TIAM2: variants seen among roughly 807,000 people sequenced by gnomAD.
TIAM2 encodes TIAM Rac1 associated GEF 2.
TIAM2 carries 80 observed loss-of-function variants against 152.9 expected under a neutral mutation model. That is an observed-to-expected ratio of 0.52 (90% CI 0.44 to 0.63). The LOEUF (loss-of-function observed/expected upper bound fraction) is 0.63, where lower values mean the gene tolerates loss of function less well. Among genes scored for constraint, TIAM2 ranks in the 30% least tolerant of loss-of-function variants. The pLI is 0.00. For synonymous variants in TIAM2, 804 were observed against 838.0 expected, an observed-to-expected ratio of 0.96 and a Z score of 0.70; for missense variants, 1,965 against 2,120.1, an observed-to-expected ratio of 0.93 and a Z score of 1.44.
chr6:155,085,369 T>C (rs991246538), intron 1 of TIAM2, among the ~76,000 whole-genome samples: 3 of 152,164 alleles, frequency 2.0e-5, no homozygotes, highest in East Asian at 3.8e-4. Flanking sequence ...ACAGGGTAAG[T>C]AGTAACTTTC....
At chr6:155,051,820 A>G (rs1777325371) in intron 1 of TIAM2, among the ~76,000 whole-genome samples, 1 of 151,708 alleles carries the variant, frequency 6.6e-6, no homozygotes, top group African/African-American at 2.4e-5. Context: ...AATTTTTTTT[A>G]TTAGAGACGG....
rs1225154599 is a variant in TIAM2 at position 155,257,664 on chromosome 6, CTTATT to C, written c.*545_*549del. On this transcript the variant is annotated 3_prime_UTR_variant, in exon 27 of 27. Transcript: ENST00000682666. ...TATTAAAAGAAAGCTTGTACTGTAT[CTTATT>C]TGATGATATTTATTTTCTCTGCCAA... 8 of 696,000 alleles carry C rather than the reference CTTATT, an allele frequency of 1.1e-5. No individual in the cohort carries two copies. 43.1% of individuals were successfully genotyped at this position (696,000 alleles called of 1,614,324 possible). A position where few individuals can be genotyped will look rare whatever the true frequency, so the allele number is the denominator to read the frequency against.
chr6:155,070,507 G>A (rs988702029), intron 1 of TIAM2, among the ~76,000 whole-genome samples: 3 of 152,046 alleles, frequency 2.0e-5, no homozygotes, highest in African/African-American at 4.8e-5. Context: ...ATGAGCCACC[G>A]TGCCTGGCCC....
intron 2 of TIAM2, among the ~76,000 whole-genome samples, chr6:155,122,778 CA>C (rs1044520914): frequency 2.0e-5 from 3 of 151,944 alleles, no homozygotes; most frequent in Admixed American, 6.6e-5. Flanking sequence ...AAAACCTTCA[CA>C]GGGGTTGCTG....
At position 155,137,540 on chromosome 6, in the gene TIAM2, A is replaced by G; in HGVS notation, c.1558A>G (p.Thr520Ala). ...AGWLFFKPLVTVQKERKLELV... is the reference protein window; with the variant it reads ...AGWLFFKPLVAVQKERKLELV... Reference sequence around the variant, plus strand: ...GTGGCTCTTCTTCAAGCCCCTGGTCACTGTGCAGAAGGAAAGGAAGCTTGA... The same window carrying G: ...GTGGCTCTTCTTCAAGCCCCTGGTCGCTGTGCAGAAGGAAAGGAAGCTTGA... Residue 520 changes from threonine (T) to alanine (A), a missense_variant, in exon 5 of 27, where the codon ACT becomes GCT. Around this residue, in one of 3 missense-constraint regions of TIAM2, gnomAD observed 1,025 missense variants for 1,119.4 expected, o/e 0.92. Coordinates refer to ENST00000682666, the MANE Select transcript of TIAM2 (RefSeq NM_012454.4). 6.2e-7 allele frequency: 1 copy of G among 1,613,724 alleles called. No individual in the cohort carries two copies. The highest frequency in any genetic ancestry group is 8.5e-7 in the Non-Finnish European group (1 of 1,180,026).
intron 14 of TIAM2, among the ~76,000 whole-genome samples, chr6:155,203,709 A>G (rs958652222): frequency 6.6e-6 from 1 of 152,240 alleles, no homozygotes; most frequent in African/African-American, 2.4e-5. Context: ...TTAATCAACT[A>G]AAAACATTTT....
intron 2 of TIAM2, among the ~76,000 whole-genome samples, chr6:155,095,638 T>A (rs2114986133): frequency 6.6e-6 from 1 of 152,322 alleles, no homozygotes; most frequent in African/African-American, 2.4e-5. Flanking sequence ...CAGGATGCTG[T>A]AGGAGATTCC....
rs573790098 is a variant in TIAM2 at position 154,995,813 on chromosome 6, C to A, written c.-209+321C>A. ...GACACGCCAGGACCCACTTTCAGCC[C>A]CGGTCCCATCCCGGATGGGAGGAGG... On this transcript the variant is annotated intron_variant, in intron 1 of 26. Coordinates refer to ENST00000682666, the MANE Select transcript of TIAM2 (RefSeq NM_012454.4). The surrounding 1 kb of genome is among the most constrained non-coding windows in gnomAD (Gnocchi z 5.2). Among the ~76,000 whole-genome samples the A allele has an allele frequency of 6.6e-6, 1 of 152,332 alleles. No homozygotes were observed. The highest frequency in any genetic ancestry group is 6.5e-5 in the Admixed American group (1 of 15,310).
intron 1 of TIAM2, among the ~76,000 whole-genome samples, chr6:155,014,919 T>C (rs1778547585): frequency 6.6e-6 from 1 of 152,142 alleles, no homozygotes; most frequent in South Asian, 2.1e-4. Context: ...GAGTATGAGT[T>C]GTCCGTCAGG....
At chr6:155,091,568 T>C (rs557754959) in intron 2 of TIAM2, among the ~76,000 whole-genome samples, 1 of 152,342 alleles carries the variant, frequency 6.6e-6, no homozygotes, top group South Asian at 2.1e-4. Context: ...TATGATCAAA[T>C]TTAACATTAG....
intron 2 of TIAM2, among the ~76,000 whole-genome samples, chr6:155,114,701 TC>T (rs1778969582): frequency 6.6e-6 from 1 of 151,796 alleles, no homozygotes; most frequent in Non-Finnish European, 1.5e-5. Flanking sequence ...TACCTCTTCA[TC>T]CCCAGCCACG....
intron 15 of TIAM2, among the ~76,000 whole-genome samples, chr6:155,237,426 G>C (rs1782823480): frequency 6.6e-6 from 1 of 152,196 alleles, no homozygotes; most frequent in African/African-American, 2.4e-5. Flanking sequence ...GTGGATCTGG[G>C]CTCTGGAGGA....
intron 15 of TIAM2, among the ~76,000 whole-genome samples, chr6:155,224,512 G>A (rs575631173): frequency 6.6e-6 from 1 of 152,178 alleles, no homozygotes; most frequent in Non-Finnish European, 1.5e-5. Context: ...TCCGTCTCCT[G>A]CTGTCTTGAT....
chr6:155,147,034 A>T (rs530226581), intron 6 of TIAM2, among the ~76,000 whole-genome samples: 49 of 152,206 alleles, frequency 3.2e-4, no homozygotes, highest in Admixed American at 2.0e-3. Context: ...CCAGCCAAAA[A>T]TAAACTATTT....
intron 1 of TIAM2, among the ~76,000 whole-genome samples, chr6:155,069,519 T>C (rs1007007303): frequency 6.6e-6 from 1 of 152,238 alleles, no homozygotes; most frequent in African/African-American, 2.4e-5. Context: ...TAAAGCAGCA[T>C]ACATTTGCAT....
At chr6:155,165,758 A>G (rs1422898035) in intron 9 of TIAM2, among the ~76,000 whole-genome samples, 1 of 152,178 alleles carries the variant, frequency 6.6e-6, no homozygotes, top group Non-Finnish European at 1.5e-5. Context: ...ACTGTACTCC[A>G]GCCTGAGTGA....
chr6:155,126,176 C>T (rs545310969), intron 2 of TIAM2, among the ~76,000 whole-genome samples: 50 of 152,292 alleles, frequency 3.3e-4, no homozygotes, highest in African/African-American at 1.1e-3. Context: ...TCTGCTACCA[C>T]GTGGATGAAA....
chr6:155,134,397 A>ACCCCCCCC (rs35487009), intron 4 of TIAM2, among the ~76,000 whole-genome samples: 1 of 110,542 alleles, frequency 9.0e-6, no homozygotes, highest in Non-Finnish European at 1.8e-5. Flanking sequence ...GCATCCCCCC[A>ACCCCCCCC]CCCCCCCCCA....
Position 155,010,037 on chromosome 6 carries a change from G to A in TIAM2, c.-209+14545G>A, listed in dbSNP as rs148700318. Among the ~76,000 whole-genome samples the A allele has an allele frequency of 3.5e-3, 527 of 152,132 alleles. 2 individuals carry two copies. The highest frequency in any genetic ancestry group is 0.012 in the African/African-American group (483 of 41,502). On this transcript the variant is annotated intron_variant, in intron 1 of 26. Transcript: ENST00000682666. ...CTGGCTAATTTTTGTATTTTTAGTA[G>A]AGATGGGGTTTTGGTCTTGAATTCC...
Sources: gnomAD v4.1 joint callset for allele counts (sites outside exome capture counted in the v4.1 genomes callset) on GRCh38, gnomAD v4.1.1 for gene constraint, gnomAD v4.1.1 regional missense constraint, Gnocchi (gnomAD v3.1) non-coding constraint, MANE v1.5 for transcripts, NCBI Gene and HGNC (gene_info 2026-07-23, HGNC 2026-07-21) for gene names.